Variants in PLXDC2 observed in about 807,000 individuals in gnomAD.
PLXDC2 encodes the protein plexin domain containing 2, also known as plexin domain-containing protein 2.
In PLXDC2, 40 loss-of-function variants were observed where a neutral mutation model predicts 68.9. That is an observed-to-expected ratio of 0.58 (90% CI 0.45 to 0.76). The LOEUF (loss-of-function observed/expected upper bound fraction) is 0.76, where lower values mean the gene tolerates loss of function less well. PLXDC2 is among the 30% of genes least tolerant of loss of function. The pLI is 0.00. For missense variants in PLXDC2, 644 were observed against 661.9 expected, an observed-to-expected ratio of 0.97 and a Z score of 0.30; for synonymous variants, 243 against 234.2, an observed-to-expected ratio of 1.04 and a Z score of -0.34.
intron 1 of PLXDC2, among the ~76,000 whole-genome samples, chr10:19,977,022 A>G (rs979677825): frequency 6.6e-6 from 1 of 152,082 alleles, no homozygotes; most frequent in Non-Finnish European, 1.5e-5. Flanking sequence ...CTTTCTGAGG[A>G]TATTAATGAT....
intron 1 of PLXDC2, among the ~76,000 whole-genome samples, chr10:19,973,334 A>G (rs951250639): frequency 2.0e-5 from 3 of 148,318 alleles, no homozygotes; most frequent in Non-Finnish European, 3.0e-5. Context: ...ATACATATAT[A>G]TGTGTATATA....
At chr10:20,278,854 G>A (rs1200633018) in intron 13 of PLXDC2, among the ~76,000 whole-genome samples, 2 of 152,144 alleles carry the variant, frequency 1.3e-5, no homozygotes, top group African/African-American at 4.8e-5. Flanking sequence ...TTGAAAAATG[G>A]AGTAATAGTT....
chr10:20,140,753 TGA>T (rs1209518437), intron 4 of PLXDC2, among the ~76,000 whole-genome samples: 1 of 151,992 alleles, frequency 6.6e-6, no homozygotes, highest in African/African-American at 2.4e-5. Flanking sequence ...GAAACTGACG[TGA>T]GATATTGATA....
chr10:19,972,839 T>C lies in PLXDC2; in HGVS notation c.113-28936T>C, dbSNP rs537595755. Among the ~76,000 whole-genome samples the C allele has an allele frequency of 4.6e-5, 7 of 152,314 alleles. No homozygotes were observed. The South Asian group carries it at 1.4e-3, about 32-fold the overall frequency. ...TTGGAGAAAATTGAGCTAATTAGTGTCCTTAGGGTGCTTTTTACTGCACTG... is the reference window on the plus strand; with the variant it reads ...TTGGAGAAAATTGAGCTAATTAGTGCCCTTAGGGTGCTTTTTACTGCACTG... On this transcript the variant is annotated intron_variant, in intron 1 of 13. Transcript: ENST00000377252.
chr10:20,093,977 A>G (rs1035347572), intron 4 of PLXDC2, among the ~76,000 whole-genome samples: 9 of 152,222 alleles, frequency 5.9e-5, no homozygotes, highest in African/African-American at 1.7e-4. Flanking sequence ...CTGGCCAACT[A>G]TCTTTTAAAT....
chr10:20,235,757 G>A (rs1391072899), intron 12 of PLXDC2, among the ~76,000 whole-genome samples: 1 of 152,176 alleles, frequency 6.6e-6, no homozygotes, highest in Non-Finnish European at 1.5e-5. Context: ...TAATGGATTT[G>A]ATAAGTAGTA....
chr10:20,216,964 G>A (rs1835145632), intron 10 of PLXDC2, among the ~76,000 whole-genome samples: 1 of 152,190 alleles, frequency 6.6e-6, no homozygotes, highest in Non-Finnish European at 1.5e-5. Context: ...AAACAATGAA[G>A]TAGTATGGGG....
intron 1 of PLXDC2, among the ~76,000 whole-genome samples, chr10:19,877,570 C>T (rs1837655540): frequency 6.6e-6 from 1 of 152,196 alleles, no homozygotes; most frequent in Non-Finnish European, 1.5e-5. Flanking sequence ...AGATTGCTTC[C>T]TTTCCGTGTG....
In PLXDC2 at chr10:20,142,155, A is replaced by G. The variant is rs183431614; in HGVS notation, c.542-1140A>G. 4.9e-3 allele frequency among the ~76,000 whole-genome samples: 743 copies of G among 152,242 alleles called. 3 individuals are homozygous for G. Among genetic ancestry groups the G allele is most frequent in the South Asian group, 0.011 (52 of 4,830 alleles). On this transcript the variant is annotated intron_variant, in intron 4 of 13. Coordinates refer to ENST00000377252, the MANE Select transcript of PLXDC2 (RefSeq NM_032812.9). The stretch of plus-strand genomic sequence containing the variant: ...GAAGACTGCAATCTGCCAATGAAAT[A>G]TTTATTCAGACCATAAAATGAGTGA...
At chr10:19,969,583 G>T (rs980397442) in intron 1 of PLXDC2, among the ~76,000 whole-genome samples, 2 of 152,184 alleles carry the variant, frequency 1.3e-5, no homozygotes, top group East Asian at 3.9e-4. Context: ...TGAGAATTTA[G>T]TAGAAAAGCC....
chr10:20,143,524 G>T lies in PLXDC2; in HGVS notation c.664+107G>T. The T allele has an allele frequency of 2.9e-6, 4 of 1,384,360 alleles. No homozygotes were observed. In the South Asian group the frequency reaches 5.0e-5, roughly 17 times the overall value. 85.8% of individuals were successfully genotyped at this position (1,384,360 alleles called of 1,614,324 possible). On this transcript the variant is annotated intron_variant, in intron 5 of 13. Coordinates refer to ENST00000377252, the MANE Select transcript of PLXDC2 (RefSeq NM_032812.9). ...CTGTTTATTTTTTGGTGTGTAAACT[G>T]CTTGATGCAAATGGTCTGAGAGGAC...
intron 4 of PLXDC2, among the ~76,000 whole-genome samples, chr10:20,103,442 T>A (rs1185631455): frequency 6.6e-6 from 1 of 151,706 alleles, no homozygotes; most frequent in Non-Finnish European, 1.5e-5. Context: ...CCGAGACTTG[T>A]GGGTTCAAGG....
intron 1 of PLXDC2, among the ~76,000 whole-genome samples, chr10:19,916,853 C>T (rs1450510826): frequency 6.6e-6 from 1 of 152,132 alleles, no homozygotes; most frequent in Non-Finnish European, 1.5e-5. Flanking sequence ...CAGGTATACT[C>T]ATGATTTCCC....
intron 12 of PLXDC2, among the ~76,000 whole-genome samples, chr10:20,228,259 A>C (rs1379518725): frequency 6.6e-6 from 1 of 152,102 alleles, no homozygotes; most frequent in Non-Finnish European, 1.5e-5. Context: ...ATGGGAAGAT[A>C]GTATAAAGAT....
At chr10:20,122,974 T>C (rs1055134098) in intron 4 of PLXDC2, among the ~76,000 whole-genome samples, 1 of 152,114 alleles carries the variant, frequency 6.6e-6, no homozygotes, top group Non-Finnish European at 1.5e-5. Flanking sequence ...TTATATTTGA[T>C]GAAAAAGAGC....
At chr10:19,965,675 G>A (rs1395492669) in intron 1 of PLXDC2, among the ~76,000 whole-genome samples, 3 of 147,646 alleles carry the variant, frequency 2.0e-5, no homozygotes, top group African/African-American at 7.4e-5. Flanking sequence ...AACCATCCCG[G>A]TCTGCAGGAG....
rs1564656425 is a variant in PLXDC2, at chr10:20,012,336, G to GTTTTTTTTTTTT, written c.324+10350_324+10351insTTTTTTTTTTTT. Among the ~76,000 whole-genome samples, 2 of 33,160 alleles carry GTTTTTTTTTTTT rather than the reference G, an allele frequency of 6.0e-5. 1 individual carries two copies. Among genetic ancestry groups the GTTTTTTTTTTTT allele is most frequent in the Non-Finnish European group, 1.2e-4 (2 of 16,858 alleles). 21.8% of individuals were successfully genotyped at this position (33,160 alleles called of 152,430 possible). On this transcript the variant is annotated intron_variant, in intron 2 of 13. Coordinates refer to ENST00000377252, the MANE Select transcript of PLXDC2 (RefSeq NM_032812.9). Reference sequence around the variant, plus strand: ...TTTTTTTTTTTTTTTTTTTTTTTTGGAGAAGGAGACTTGCTGTGTTTCCCA... The same window carrying GTTTTTTTTTTTT: ...TTTTTTTTTTTTTTTTTTTTTTTTGGTTTTTTTTTTTTAGAAGGAGACTTGCTGTGTTTCCCA...
At chr10:20,142,264 G>A (rs1380508184) in intron 4 of PLXDC2, among the ~76,000 whole-genome samples, 1 of 151,902 alleles carries the variant, frequency 6.6e-6, no homozygotes, top group South Asian at 2.1e-4. Context: ...TATTAGTGTC[G>A]GGTATCTAAT....
At chr10:19,973,287 C>CAT (rs971612961) in intron 1 of PLXDC2, among the ~76,000 whole-genome samples, 1 of 139,900 alleles carries the variant, frequency 7.1e-6, no homozygotes, top group African/African-American at 2.9e-5. Flanking sequence ...TATACACATA[C>CAT]ATATATATGT....
Sources: gnomAD v4.1 joint callset for allele counts (sites outside exome capture counted in the v4.1 genomes callset) on GRCh38, gnomAD v4.1.1 for gene constraint, MANE v1.5 for transcripts, NCBI Gene and HGNC (gene_info 2026-07-23, HGNC 2026-07-21) for gene names.